SERP2: variants seen among roughly 807,000 people sequenced by gnomAD.
SERP2 encodes the protein stress-associated endoplasmic reticulum protein 2.
In SERP2, 6 loss-of-function variants were observed where a neutral mutation model predicts 9.1. The ratio of observed to expected loss-of-function variants is 0.66; its 90% confidence interval spans 0.36 to 1.30. The LOEUF is 1.30. SERP2 is among the 50% of genes most tolerant of loss of function. The probability of loss-of-function intolerance (pLI) is 0.03; values close to 1 mark genes in which losing one functional copy is unlikely to be tolerated. For missense variants in SERP2, 58 were observed against 81.9 expected, an observed-to-expected ratio of 0.71 and a Z score of 1.13; for synonymous variants, 37 against 27.3, an observed-to-expected ratio of 1.35 and a Z score of -1.10.
intron 2 of SERP2, among the ~76,000 whole-genome samples, chr13:44,392,905 T>C (rs375936880): frequency 7.2e-5 from 11 of 152,174 alleles, no homozygotes; most frequent in Admixed American, 5.9e-4. Context: ...GTGACGTTCA[T>C]TGCAGAATGT....
chr13:44,383,104 C>T (rs564805741), intron 2 of SERP2, among the ~76,000 whole-genome samples: 74 of 152,232 alleles, frequency 4.9e-4, no homozygotes, highest in African/African-American at 1.7e-3. Flanking sequence ...ATGTGCTGGG[C>T]TCAAGAATAT....
chr13:44,397,280 C>T lies in SERP2; in HGVS notation c.166C>T (p.Gln56Ter). 1.2e-6 allele frequency: 2 copies of T among 1,613,764 alleles called. No individual in the cohort carries two copies. The highest frequency in any genetic ancestry group is 1.7e-6 in the Non-Finnish European group (2 of 1,179,724). Residue 56 changes from glutamine to a stop codon, truncating the protein, a stop_gained, in exon 3 of 3, where the codon CAG (glutamine) becomes TAG (stop). Coordinates refer to ENST00000379179, the MANE Select transcript of SERP2 (RefSeq NM_001010897.3). LOFTEE classifies it high-confidence loss of function. ...TGTTTTCCTCTTTTCAGCTATCTTT[C>T]AGATCATTCAGAGCATAAGGATGGG... is the stretch of plus-strand genomic sequence containing the variant. ...VFVVCGSAIFQIIQSIRMGM is the reference protein window; with the variant it reads ...VFVVCGSAIF
chr13:44,393,501 G>A (rs999620926), intron 2 of SERP2, among the ~76,000 whole-genome samples: 2 of 152,174 alleles, frequency 1.3e-5, no homozygotes, highest in African/African-American at 2.4e-5. Context: ...GGACTTTTCT[G>A]AACCTCTGGG....
At chr13:44,374,699 C>T (rs1455626517) in intron 1 of SERP2, among the ~76,000 whole-genome samples, 1 of 152,198 alleles carries the variant, frequency 6.6e-6, no homozygotes, top group Non-Finnish European at 1.5e-5. Context: ...GACGGTTTCA[C>T]TGGAGGTGTG....
chr13:44,383,555 T>TTG (rs1872138265), intron 2 of SERP2, among the ~76,000 whole-genome samples: 3 of 144,536 alleles, frequency 2.1e-5, no homozygotes, highest in East Asian at 4.0e-4. Flanking sequence ...TTTTTTTTGT[T>TTG]TTTTTTTTTT....
intron 2 of SERP2, among the ~76,000 whole-genome samples, chr13:44,386,276 C>T (rs1323309043): frequency 6.6e-6 from 1 of 152,158 alleles, no homozygotes; most frequent in East Asian, 1.9e-4. Flanking sequence ...TAAAAGTTAT[C>T]TTTATGAGAT....
chr13:44,373,787 C>T (rs1871447291), upstream of SERP2: 2 of 466,528 alleles, frequency 4.3e-6, no homozygotes, highest in Admixed American at 4.6e-5. This position sits in a 1 kb window ranked among gnomAD's most constrained non-coding sequence, Gnocchi z 4.8. Flanking sequence ...GGAAGGATGG[C>T]GAGGAAGTCG....
At chr13:44,383,363 T>C (rs1853787) in intron 2 of SERP2, among the ~76,000 whole-genome samples, 151,948 of 152,192 alleles carry the variant, frequency 1, 75,852 homozygotes, top group Middle Eastern at 1. Flanking sequence ...TTTTGGAGGG[T>C]TTAAAAAACT....
intron 2 of SERP2, chr13:44,396,139 A>T (rs1472724627): frequency 1.1e-5 from 2 of 188,042 alleles, no homozygotes; most frequent in Non-Finnish European, 2.2e-5. Flanking sequence ...AAATGCATTC[A>T]TGTTTGTCTA....
At chr13:44,395,530 G>A (rs1481555576) in intron 2 of SERP2, among the ~76,000 whole-genome samples, 3 of 151,212 alleles carry the variant, frequency 2.0e-5, no homozygotes, top group Non-Finnish European at 4.4e-5. Context: ...CGTGAACCGG[G>A]GAGGCGGAGC....
Position 44,397,562 on chromosome 13 carries a change from T to A in SERP2, c.*250T>A. On this transcript the variant is annotated 3_prime_UTR_variant, in exon 3 of 3. Coordinates refer to ENST00000379179, the MANE Select transcript of SERP2 (RefSeq NM_001010897.3). Reference sequence around the variant, plus strand: ...TTGGCAGGATTAGTAGCCACGCGGGTCGTCCGCAGCAGTGCTGTTTTTTTG... The same window carrying A: ...TTGGCAGGATTAGTAGCCACGCGGGACGTCCGCAGCAGTGCTGTTTTTTTG... The A allele has an allele frequency of 1.8e-6, 1 of 552,532 alleles. No individual in the cohort carries two copies. Among genetic ancestry groups the A allele is most frequent in the Non-Finnish European group, 3.2e-6 (1 of 308,098 alleles). The allele number at this position is 552,532 out of a possible 1,614,324, so 34.2% of individuals were successfully genotyped here.
At chr13:44,376,461 C>A (rs1462112963) in intron 1 of SERP2, among the ~76,000 whole-genome samples, 1 of 152,046 alleles carries the variant, frequency 6.6e-6, no homozygotes, top group Non-Finnish European at 1.5e-5. Context: ...TATTATTCTC[C>A]CAGATAGCAG....
At position 44,397,261 on chromosome 13, in the gene SERP2, C is replaced by T. The variant is rs753526770; in HGVS notation, c.158-11C>T. 6.2e-7 allele frequency: 1 copy of T among 1,613,430 alleles called. No homozygotes were observed. The highest frequency in any genetic ancestry group is 8.5e-7 in the Non-Finnish European group (1 of 1,179,444). On this transcript the variant is annotated splice_polypyrimidine_tract_variant and intron_variant, in intron 2 of 2. Transcript: ENST00000379179. ...TCTGGTGTCTGAGCTGTGGTGTTTT[C>T]CTCTTTTCAGCTATCTTTCAGATCA... is the stretch of plus-strand genomic sequence containing the variant.
At chr13:44,395,744 T>C (rs966796884) in intron 2 of SERP2, 3 of 454,454 alleles carry the variant, frequency 6.6e-6, no homozygotes, top group African/African-American at 4.0e-5. Context: ...GACACTCACA[T>C]GGAGCTGATT....
At chr13:44,376,590 C>T (rs2138776923) in intron 1 of SERP2, among the ~76,000 whole-genome samples, 1 of 152,212 alleles carries the variant, frequency 6.6e-6, no homozygotes, top group African/African-American at 2.4e-5. Flanking sequence ...GCCTGGCCAA[C>T]ATGGCACAAC....
chr13:44,382,779 C>T (rs1254168268), intron 2 of SERP2, among the ~76,000 whole-genome samples: 2 of 152,182 alleles, frequency 1.3e-5, no homozygotes, highest in Non-Finnish European at 2.9e-5. Flanking sequence ...CTTGAGGGTC[C>T]CCTCTGTGCC....
chr13:44,384,362 C>T (rs1872197035), intron 2 of SERP2, among the ~76,000 whole-genome samples: 1 of 152,264 alleles, frequency 6.6e-6, no homozygotes, highest in African/African-American at 2.4e-5. Context: ...TACATTTAAA[C>T]GAATGTGCGG....
chr13:44,396,834 C>G (rs1445690628), intron 2 of SERP2, among the ~76,000 whole-genome samples: 1 of 152,226 alleles, frequency 6.6e-6, no homozygotes, highest in Non-Finnish European at 1.5e-5. Flanking sequence ...CTCCGAGCAC[C>G]TGGTCGGCCT....
At chr13:44,377,538 T>G (rs902586200) in intron 1 of SERP2, among the ~76,000 whole-genome samples, 1 of 152,240 alleles carries the variant, frequency 6.6e-6, no homozygotes, top group African/African-American at 2.4e-5. Flanking sequence ...TTAAGACTGA[T>G]CTTGTCCTCG....
Sources: allele counts gnomAD v4.1 joint callset (sites outside exome capture counted in the v4.1 genomes callset), GRCh38; gene constraint gnomAD v4.1.1; non-coding constraint Gnocchi (gnomAD v3.1); transcripts MANE v1.5; gene names NCBI Gene and HGNC (gene_info 2026-07-23, HGNC 2026-07-21).